SUPT3H: variants seen among roughly 807,000 people sequenced by gnomAD.
SUPT3H encodes SPT3 homolog, SAGA and STAGA complex component.
In SUPT3H, 44 loss-of-function variants were observed where a neutral mutation model predicts 44.3. The ratio of observed to expected loss-of-function variants is 0.99; its 90% CI spans 0.78 to 1.28. The LOEUF is 1.28. SUPT3H is among the 50% of genes most tolerant of loss of function. SUPT3H has a pLI of 0.00. For synonymous variants in SUPT3H, 124 were observed against 125.6 expected (o/e 0.99, Z 0.09); for missense variants, 380 against 387.1 (o/e 0.98, Z 0.15).
chr6:44,824,040 C>A (rs1431619826), downstream of SUPT3H, among the ~76,000 whole-genome samples: 1 of 152,206 alleles, frequency 6.6e-6, no homozygotes, highest in Non-Finnish European at 1.5e-5. Flanking sequence ...GGTAACCCCC[C>A]AGTCACTCAT....
chr6:45,065,429 A>T (rs1313290376), intron 3 of SUPT3H, among the ~76,000 whole-genome samples: 2 of 146,398 alleles, frequency 1.4e-5, no homozygotes, highest in Non-Finnish European at 3.0e-5. Flanking sequence ...ACACATTCAA[A>T]AGCTAGCAGA....
At chr6:44,924,382 A>G (rs1191343899) in intron 10 of SUPT3H, among the ~76,000 whole-genome samples, 4 of 152,108 alleles carry the variant, frequency 2.6e-5, no homozygotes, top group Non-Finnish European at 5.9e-5. Context: ...TTCAAAATAC[A>G]CCTATACTTA....
At chr6:44,890,211 G>T in intron 10 of SUPT3H, among the ~76,000 whole-genome samples, 1 of 149,554 alleles carries the variant, frequency 6.7e-6, no homozygotes, top group East Asian at 2.0e-4. Flanking sequence ...CGATTCCTCA[G>T]GGATCTAGAA....
intron 2 of SUPT3H, among the ~76,000 whole-genome samples, chr6:45,125,124 G>A (rs1039617387): frequency 6.6e-6 from 1 of 152,152 alleles, no homozygotes; most frequent in Non-Finnish European, 1.5e-5. Context: ...TCAACTATGG[G>A]CAGTAAGTTT....
At chr6:44,918,825 G>T (rs918999838) in intron 10 of SUPT3H, among the ~76,000 whole-genome samples, 1 of 152,120 alleles carries the variant, frequency 6.6e-6, no homozygotes, top group Admixed American at 6.6e-5. Flanking sequence ...TAGCTTACAC[G>T]CCACTGAAAT....
chr6:45,346,567 C>CTTTTTTTTTTTTTTTTTT (rs71745024), intron 2 of SUPT3H, among the ~76,000 whole-genome samples: 2 of 140,430 alleles, frequency 1.4e-5, no homozygotes, highest in African/African-American at 2.6e-5. Flanking sequence ...ATAAACATTT[C>CTTTTTTTTTTTTTTTTTT]TTTTTTTTTT....
chr6:44,923,099 C>T (rs2153457533), intron 10 of SUPT3H, among the ~76,000 whole-genome samples: 1 of 152,096 alleles, frequency 6.6e-6, no homozygotes, highest in African/African-American at 2.4e-5. Flanking sequence ...TATAAATTAC[C>T]CCTTTCCTTG....
At chr6:45,048,221 CT>C (rs67557043) in intron 3 of SUPT3H, among the ~76,000 whole-genome samples, 1,302 of 86,690 alleles carry the variant, frequency 0.015, 6 homozygotes, top group African/African-American at 0.046. Flanking sequence ...TCTCTCTACT[CT>C]TTTTTTTTTT....
chr6:45,169,673 G>A (rs1810465623), intron 2 of SUPT3H, among the ~76,000 whole-genome samples: 1 of 152,134 alleles, frequency 6.6e-6, no homozygotes, highest in Admixed American at 6.6e-5. Context: ...TTGTGGAAAA[G>A]CTCTTCAGAT....
intron 2 of SUPT3H, among the ~76,000 whole-genome samples, chr6:45,117,424 A>C (rs574787232): frequency 6.6e-6 from 1 of 152,108 alleles, no homozygotes; most frequent in Non-Finnish European, 1.5e-5. Context: ...ACTGATATCA[A>C]TTGTGAGCTC....
chr6:45,205,542 A>G (rs961583621), intron 2 of SUPT3H, among the ~76,000 whole-genome samples: 2 of 152,192 alleles, frequency 1.3e-5, no homozygotes, highest in Non-Finnish European at 2.9e-5. Context: ...TCATGCTGTA[A>G]TCTCAGCACT....
intron 3 of SUPT3H, among the ~76,000 whole-genome samples, chr6:45,052,317 A>T (rs1176366893): frequency 6.6e-5 from 10 of 152,182 alleles, no homozygotes; most frequent in Admixed American, 2.0e-4. Flanking sequence ...TGTGATATTC[A>T]TTCTGAAATT....
intron 2 of SUPT3H, among the ~76,000 whole-genome samples, chr6:45,163,940 T>C (rs1809442477): frequency 6.6e-6 from 1 of 152,200 alleles, no homozygotes; most frequent in Non-Finnish European, 1.5e-5. Flanking sequence ...TGCAATCCCG[T>C]ATTTGTGAAT....
At chr6:45,230,995 A>T (rs1339998794) in intron 2 of SUPT3H, among the ~76,000 whole-genome samples, 1 of 152,076 alleles carries the variant, frequency 6.6e-6, no homozygotes, top group East Asian at 1.9e-4. Flanking sequence ...AAGAATTTAA[A>T]TCATTTACAC....
In SUPT3H at chr6:44,849,437, C is replaced by T. The variant is rs577051448; in HGVS notation, c.913-19580G>A. On this transcript the variant is annotated intron_variant, in intron 10 of 10. Transcript: ENST00000371459. ...AGAGACGGGGTTTCACCATTTTAGC[C>T]GGGATGGTCTCGATCTCCTGACCTC... is the stretch of plus-strand genomic sequence containing the variant. Among the ~76,000 whole-genome samples the T allele has an allele frequency of 9.3e-4, 141 of 151,622 alleles. 3 individuals are homozygous for T. In the East Asian group the frequency reaches 0.022, roughly 24 times the overall value.
chr6:45,293,645 T>C (rs1191784411), intron 2 of SUPT3H, among the ~76,000 whole-genome samples: 2 of 151,754 alleles, frequency 1.3e-5, no homozygotes, highest in African/African-American at 4.8e-5. Flanking sequence ...TGAGAAACAA[T>C]ACATGTGAAA....
rs58120512 is a variant in SUPT3H at position 45,100,541 on chromosome 6, TAAAAA to T, written c.186+5376_186+5380del. Among the ~76,000 whole-genome samples, 101 of 33,456 alleles carry T rather than the reference TAAAAA, an allele frequency of 3.0e-3. 1 individual carries two copies. The highest frequency in any genetic ancestry group is 3.9e-3 in the Non-Finnish European group (86 of 21,938). 21.9% of individuals were successfully genotyped at this position (33,456 alleles called of 152,430 possible). A position where few individuals can be genotyped will look rare whatever the true frequency, so the allele number is the denominator to read the frequency against. ...GGGCATCATAGCAAGACCCTGTACT[TAAAAA>T]AAAAAAAAAAAAAAAAAAGACACAC... On this transcript the variant is annotated intron_variant, in intron 3 of 10. Transcript: ENST00000371459.
intron 2 of SUPT3H, among the ~76,000 whole-genome samples, chr6:45,338,696 T>C (rs1355314299): frequency 6.6e-6 from 1 of 152,162 alleles, no homozygotes; most frequent in African/African-American, 2.4e-5. Flanking sequence ...GGTTCAGCTA[T>C]ACTATTTCGT....
rs70993502 is a variant in SUPT3H, at chr6:45,142,736, CAAAAAAAAAAA to C, written c.102-36741_102-36731del. 7.1e-3 allele frequency among the ~76,000 whole-genome samples: 107 copies of C among 14,968 alleles called. 2 individuals are homozygous for C. The highest frequency in any genetic ancestry group is 0.027 in the Admixed American group (19 of 700). 9.8% of individuals were successfully genotyped at this position (14,968 alleles called of 152,430 possible). A position where few individuals can be genotyped will look rare whatever the true frequency, so the allele number is the denominator to read the frequency against. On this transcript the variant is annotated intron_variant, in intron 2 of 10. Transcript: ENST00000371459. ...GGGCAAGAAGAGCTAAACTCCGTCT[CAAAAAAAAAAA>C]AAAAAAAAAAAAAAAAAGCAGAATG...
Sources: gnomAD v4.1 joint callset for allele counts (sites outside exome capture counted in the v4.1 genomes callset) on GRCh38, gnomAD v4.1.1 for gene constraint, MANE v1.5 for transcripts, NCBI Gene and HGNC (gene_info 2026-07-23, HGNC 2026-07-21) for gene names.